Variants in PPM1G observed in about 807,000 individuals in gnomAD.
PPM1G encodes protein phosphatase, Mg2+/Mn2+ dependent 1G, also known as protein phosphatase 1G.
A neutral mutation model predicts 59.4 loss-of-function variants in PPM1G; 12 were observed. The observed-to-expected ratio is 0.20, with a 90% CI of 0.13 to 0.33. The LOEUF (loss-of-function observed/expected upper bound fraction) is 0.33, where lower values mean the gene tolerates loss of function less well. Among genes scored for constraint, PPM1G ranks in the 10% least tolerant of loss-of-function variants. The probability of loss-of-function intolerance (pLI) is 1.00; values close to 1 mark genes in which losing one functional copy is unlikely to be tolerated. For missense variants in PPM1G, 392 were observed against 681.3 expected (o/e 0.58, Z 4.73); for synonymous variants, 245 against 251.9 (o/e 0.97, Z 0.26).
Position 27,383,930 on chromosome 2 carries a change from A to C in PPM1G, c.966+22T>G. On this transcript the variant is annotated intron_variant, in intron 6 of 9. Transcript: ENST00000344034. This position sits in a 1 kb window ranked among gnomAD's most constrained non-coding sequence, Gnocchi z 5.0. ...CCTGCCTTGTGGCTTTTCAAGACTC[A>C]TTGCTCCCCTTCCCCACACACCTCC... The C allele has an allele frequency of 1.3e-6, 2 of 1,551,400 alleles. No individual in the cohort carries two copies. Among genetic ancestry groups the C allele is most frequent in the Non-Finnish European group, 1.7e-6 (2 of 1,146,746 alleles).
chr2:27,407,975 A>C (rs771419150), intron 1 of PPM1G, among the ~76,000 whole-genome samples: 22 of 151,820 alleles, frequency 1.4e-4, no homozygotes, highest in Non-Finnish European at 2.5e-4. Flanking sequence ...CGAACCTGGG[A>C]GGCGGAGGTT....
chr2:27,400,215 A>G (rs1490108303), intron 1 of PPM1G, among the ~76,000 whole-genome samples: 1 of 151,898 alleles, frequency 6.6e-6, no homozygotes, highest in Non-Finnish European at 1.5e-5. Context: ...TGGGCAACAC[A>G]GCGAAATCTC....
Position 27,382,448 on chromosome 2 carries a change from G to T in PPM1G, c.1331+28C>A. On this transcript the variant is annotated intron_variant, in intron 8 of 9. Transcript: ENST00000344034. This position sits in a 1 kb window ranked among gnomAD's most constrained non-coding sequence, Gnocchi z 4.2. Reference sequence around the variant, plus strand: ...AAGAGAAGACATGCTGCAGAAAGGGGAATTTAGGGCATTCTGCCAGTGCTC... The same window carrying T: ...AAGAGAAGACATGCTGCAGAAAGGGTAATTTAGGGCATTCTGCCAGTGCTC... 1 of 1,613,222 alleles carries T rather than the reference G, an allele frequency of 6.2e-7. No homozygotes were observed.
At position 27,381,469 on chromosome 2, in the gene PPM1G, G is replaced by A; in HGVS notation, c.*130C>T. On this transcript the variant is annotated 3_prime_UTR_variant, in exon 10 of 10. Coordinates refer to ENST00000344034, the MANE Select transcript of PPM1G (RefSeq NM_177983.3). ...AGGGAGAGCCCTCTTTGGAATGGGC[G>A]GAGTGAAGCCACCCAGCTCCCCCTG... 3 of 1,017,208 alleles carry A rather than the reference G, an allele frequency of 2.9e-6. No individual in the cohort carries two copies. The highest frequency in any genetic ancestry group is 1.6e-5 in the African/African-American group (1 of 62,918). 63.0% of individuals were successfully genotyped at this position (1,017,208 alleles called of 1,614,324 possible). A position where few individuals can be genotyped will look rare whatever the true frequency, so the allele number is the denominator to read the frequency against.
chr2:27,393,278 G>A (rs996835119), intron 1 of PPM1G: 35 of 1,595,964 alleles, frequency 2.2e-5, no homozygotes, highest in African/African-American at 1.3e-5. Flanking sequence ...TGGAGGAGGC[G>A]TAGAGCTCCA....
intron 1 of PPM1G, among the ~76,000 whole-genome samples, chr2:27,404,086 A>G (rs979940752): frequency 5.3e-5 from 8 of 152,086 alleles, no homozygotes; most frequent in African/African-American, 1.9e-4. Context: ...ACAAATATGC[A>G]GGTATTTTAA....
Position 27,381,943 on chromosome 2 carries a change from T to A in PPM1G, c.1435-138A>T, listed in dbSNP as rs535488391. On this transcript the variant is annotated intron_variant, in intron 9 of 9. Coordinates refer to ENST00000344034, the MANE Select transcript of PPM1G (RefSeq NM_177983.3). ...AAGAGGTATCACACAACGGCCCACC[T>A]GCTAGTCCATAAGGCATAAGGCTAA... is the stretch of plus-strand genomic sequence containing the variant. 6.0e-6 allele frequency: 6 copies of A among 1,006,556 alleles called. No individual in the cohort carries two copies. The East Asian group carries it at 7.6e-5, about 13-fold the overall frequency. 62.4% of individuals were successfully genotyped at this position (1,006,556 alleles called of 1,614,324 possible).
rs1305678304 is a variant in PPM1G, at chr2:27,383,253, G to A, written c.1201+113C>T. 1.2e-6 allele frequency: 1 copy of A among 844,600 alleles called. No homozygotes were observed. The highest frequency in any genetic ancestry group is 1.7e-5 in the African/African-American group (1 of 59,172). The allele number at this position is 844,600 out of a possible 1,614,324, so 52.3% of individuals were successfully genotyped here. A position where few individuals can be genotyped will look rare whatever the true frequency, so the allele number is the denominator to read the frequency against. ...CAGAAATATAAGAACAGAGGTAGTA[G>A]ATATTAAAGTGCTTTGAAAGGCACA... On this transcript the variant is annotated intron_variant, in intron 7 of 9. Coordinates refer to ENST00000344034, the MANE Select transcript of PPM1G (RefSeq NM_177983.3). The surrounding 1 kb of genome is among the most constrained non-coding windows in gnomAD (Gnocchi z 5.0).
chr2:27,392,835 TG>T, intron 1 of PPM1G: 2 of 1,483,090 alleles, frequency 1.3e-6, no homozygotes, highest in Non-Finnish European at 1.9e-6. Context: ...AGAGGTATTC[TG>T]CCACGCCAGA....
In PPM1G at chr2:27,384,327, G is replaced by A. The variant is rs1007806177; in HGVS notation, c.826-235C>T. ...GCCCAGGACAAGGCAAGGGCTGCCA[G>A]CCAAAAATATCTTTCAGGCACTGTG... On this transcript the variant is annotated intron_variant, in intron 5 of 9. Transcript: ENST00000344034. This position sits in a 1 kb window ranked among gnomAD's most constrained non-coding sequence, Gnocchi z 4.8. Among the ~76,000 whole-genome samples the A allele has an allele frequency of 6.6e-6, 1 of 152,194 alleles. No individual in the cohort carries two copies. The highest frequency in any genetic ancestry group is 6.5e-5 in the Admixed American group (1 of 15,276).
chr2:27,395,067 T>TAA, intron 1 of PPM1G, among the ~76,000 whole-genome samples: 1 of 151,622 alleles, frequency 6.6e-6, no homozygotes, highest in South Asian at 2.1e-4. Flanking sequence ...CCGTTTCTAC[T>TAA]AAAAATACAA....
At chr2:27,399,464 G>C (rs1684132331) in intron 1 of PPM1G, among the ~76,000 whole-genome samples, 1 of 152,164 alleles carries the variant, frequency 6.6e-6, no homozygotes, top group South Asian at 2.1e-4. Flanking sequence ...TTTGAGGTCA[G>C]GAGTTCGACA....
chr2:27,387,019 A>ACCTT, intron 2 of PPM1G, 70 bp downstream of exon 2: 1 of 1,197,590 alleles, frequency 8.4e-7, no homozygotes, highest in Admixed American at 1.7e-5. Flanking sequence ...GAACAAAGGG[A>ACCTT]CCTGTTCTTG....
chr2:27,403,928 G>C (rs1207332685), intron 1 of PPM1G, among the ~76,000 whole-genome samples: 1 of 151,828 alleles, frequency 6.6e-6, no homozygotes, highest in East Asian at 1.9e-4. Flanking sequence ...TAAGTAAAAA[G>C]CGCTTTAAGC....
chr2:27,386,107 A>G (rs1479496384), intron 3 of PPM1G, 87 bp downstream of exon 3: 2 of 1,333,770 alleles, frequency 1.5e-6, no homozygotes, highest in Non-Finnish European at 2.1e-6. Flanking sequence ...CAGCAGCTAG[A>G]GGACAAAAAG....
In PPM1G at chr2:27,381,821, G is replaced by C. The variant is rs766666378; in HGVS notation, c.1435-16C>G. 1.9e-5 allele frequency: 30 copies of C among 1,610,790 alleles called. No individual in the cohort carries two copies. Among genetic ancestry groups the C allele is most frequent in the Non-Finnish European group, 5.9e-6 (7 of 1,178,888 alleles). On this transcript the variant is annotated splice_polypyrimidine_tract_variant and intron_variant, in intron 9 of 9. Coordinates refer to ENST00000344034, the MANE Select transcript of PPM1G (RefSeq NM_177983.3). ...GATCCAGCAGCTAAGAAAGGGATGG[G>C]GGTAGCTCAGCCACAGGGTTTGAAC...
At chr2:27,393,047 A>C in intron 1 of PPM1G, 1 of 1,351,220 alleles carries the variant, frequency 7.4e-7, no homozygotes, top group Non-Finnish European at 1.0e-6. Flanking sequence ...ATTTTTTCCA[A>C]ATGTAATCCA....
At chr2:27,397,634 T>C (rs1410968937) in intron 1 of PPM1G, among the ~76,000 whole-genome samples, 1 of 152,114 alleles carries the variant, frequency 6.6e-6, no homozygotes, top group Non-Finnish European at 1.5e-5. Context: ...TTGACAAAAT[T>C]CAGTGCTCAT....
chr2:27,386,940 A>G, intron 2 of PPM1G, 149 bp downstream of exon 2: 1 of 629,744 alleles, frequency 1.6e-6, no homozygotes, highest in Non-Finnish European at 2.9e-6. Flanking sequence ...GGGAAAAAAG[A>G]ATGACAGAAT....
Sources: allele counts gnomAD v4.1 joint callset (sites outside exome capture counted in the v4.1 genomes callset), GRCh38; gene constraint gnomAD v4.1.1; non-coding constraint Gnocchi (gnomAD v3.1); transcripts MANE v1.5; gene names NCBI Gene and HGNC (gene_info 2026-07-23, HGNC 2026-07-21).